Variants in PCCA observed in about 807,000 individuals in gnomAD.
The protein encoded by PCCA is propionyl-CoA carboxylase subunit alpha, also known as propionyl-CoA carboxylase alpha chain, mitochondrial.
Under a neutral mutation model 101.3 loss-of-function variants are expected in PCCA, and 74 were observed. The observed-to-expected ratio is 0.73, with a 90% CI of 0.61 to 0.89. The LOEUF (loss-of-function observed/expected upper bound fraction) is 0.89. PCCA is among the 40% of genes least tolerant of loss of function. The pLI, the probability that PCCA is intolerant of heterozygous loss-of-function variation, is 0.00. For missense variants in PCCA, 891 were observed against 907.0 expected, an observed-to-expected ratio of 0.98 and a Z score of 0.23; for synonymous variants, 294 against 313.6, an observed-to-expected ratio of 0.94 and a Z score of 0.66.
chr13:100,283,172 A>C lies in PCCA; in HGVS notation c.1065+9826A>C, dbSNP rs79733787. 4.8e-3 allele frequency among the ~76,000 whole-genome samples: 726 copies of C among 152,306 alleles called. 11 individuals are homozygous for C. The East Asian group carries it at 0.063, about 13-fold the overall frequency. On this transcript the variant is annotated intron_variant, in intron 12 of 23. Coordinates refer to ENST00000376285, the MANE Select transcript of PCCA (RefSeq NM_000282.4). ...AGACGTCATGCTACTGTGAGATCAA[A>C]CCTTGGCCTTTAATGTAAAGAATGC...
chr13:100,216,982 G>A (rs2059556755), intron 7 of PCCA, among the ~76,000 whole-genome samples: 2 of 151,770 alleles, frequency 1.3e-5, no homozygotes, highest in African/African-American at 2.4e-5. Flanking sequence ...TGTGGCAGGT[G>A]CCTGTAATCC....
chr13:100,262,477 A>G (rs893666515), intron 9 of PCCA, among the ~76,000 whole-genome samples: 2 of 152,196 alleles, frequency 1.3e-5, no homozygotes, highest in Non-Finnish European at 2.9e-5. Context: ...GAGAAGTTAA[A>G]TAACTCATCC....
chr13:100,428,345 C>T (rs1296043034), intron 20 of PCCA, among the ~76,000 whole-genome samples: 6 of 138,956 alleles, frequency 4.3e-5, no homozygotes, highest in Admixed American at 1.4e-4. Flanking sequence ...CCCCCACCCC[C>T]ACCCCCACCC....
intron 17 of PCCA, among the ~76,000 whole-genome samples, chr13:100,331,681 A>C (rs1414180070): frequency 2.0e-5 from 3 of 152,154 alleles, no homozygotes; most frequent in African/African-American, 7.2e-5. Flanking sequence ...AACAAAAACT[A>C]ATGATTTATT....
chr13:100,112,130 A>G, intron 4 of PCCA, 69 bp downstream of exon 4: 1 of 1,107,802 alleles, frequency 9.0e-7, no homozygotes, highest in South Asian at 1.3e-5. Flanking sequence ...TGAGACATAC[A>G]GGCTTTTTTT....
At chr13:100,256,475 G>T (rs528293831) in intron 8 of PCCA, among the ~76,000 whole-genome samples, 9 of 152,224 alleles carry the variant, frequency 5.9e-5, no homozygotes, top group African/African-American at 2.2e-4. Context: ...TCTTCTCAGT[G>T]CACTGAGCAT....
At chr13:100,343,894 G>A (rs925839649) in intron 18 of PCCA, among the ~76,000 whole-genome samples, 1 of 152,106 alleles carries the variant, frequency 6.6e-6, no homozygotes, top group African/African-American at 2.4e-5. Context: ...GGCCAACATG[G>A]CGAAACCCTG....
At chr13:100,408,556 A>T (rs1246616295) in intron 19 of PCCA, among the ~76,000 whole-genome samples, 4 of 152,220 alleles carry the variant, frequency 2.6e-5, no homozygotes, top group African/African-American at 9.6e-5. Context: ...TACCACACAC[A>T]GTATATACAC....
chr13:100,517,091 T>TGTGTGTG (rs2086892804), intron 22 of PCCA, among the ~76,000 whole-genome samples: 2 of 88,980 alleles, frequency 2.2e-5, no homozygotes, highest in African/African-American at 8.1e-5. Flanking sequence ...GTGTGTGTGT[T>TGTGTGTG]TCAAGTAAGT....
At chr13:100,150,728 T>C (rs770420098) in intron 4 of PCCA, 17 of 1,584,668 alleles carry the variant, frequency 1.1e-5, no homozygotes, top group African/African-American at 1.3e-5. Context: ...TGTGGAATCT[T>C]CACCAACCCA....
chr13:100,282,966 A>G (rs2064261121), intron 12 of PCCA, among the ~76,000 whole-genome samples: 1 of 151,868 alleles, frequency 6.6e-6, no homozygotes, highest in South Asian at 2.1e-4. Flanking sequence ...CCTCCTGGCT[A>G]TTGGTTATGT....
intron 16 of PCCA, among the ~76,000 whole-genome samples, chr13:100,313,129 C>G (rs148437487): frequency 1.2e-3 from 188 of 152,244 alleles, no homozygotes; most frequent in African/African-American, 4.2e-3. Context: ...TCCTTTCTCA[C>G]CCTTCCTCTT....
At chr13:100,411,093 T>C (rs1160926709) in intron 19 of PCCA, among the ~76,000 whole-genome samples, 2 of 152,220 alleles carry the variant, frequency 1.3e-5, no homozygotes, top group African/African-American at 4.8e-5. Flanking sequence ...TGAAGTCATT[T>C]TTTTTTTAAT....
chr13:100,368,376 A>C, intron 18 of PCCA, 96 bp from the exon 19 acceptor site: 1 of 703,042 alleles, frequency 1.4e-6, no homozygotes, highest in South Asian at 1.7e-5. Flanking sequence ...ATTCAATGGC[A>C]GTTTTAGCCT....
chr13:100,423,378 TC>T (rs2078950656), intron 19 of PCCA, among the ~76,000 whole-genome samples: 1 of 152,222 alleles, frequency 6.6e-6, no homozygotes, highest in South Asian at 2.1e-4. Flanking sequence ...GGCCTATACT[TC>T]CATCTAGATT....
intron 4 of PCCA, among the ~76,000 whole-genome samples, chr13:100,142,475 C>CT (rs772422421): frequency 0.064 from 8,699 of 136,270 alleles, 923 homozygotes; most frequent in African/African-American, 0.22. Context: ...AATGAGCCTT[C>CT]TTTTTTTTTT....
chr13:100,337,038 A>G (rs1431047254), intron 17 of PCCA, among the ~76,000 whole-genome samples: 1 of 152,134 alleles, frequency 6.6e-6, no homozygotes, highest in Admixed American at 6.6e-5. Context: ...GGGTAAACCA[A>G]GTGTCAGATT....
intron 12 of PCCA, among the ~76,000 whole-genome samples, chr13:100,297,115 C>G (rs1472278032): frequency 6.6e-6 from 1 of 152,206 alleles, no homozygotes; most frequent in East Asian, 1.9e-4. Flanking sequence ...AGAAATGACA[C>G]TGTCCATCTA....
chr13:100,292,215 C>G (rs2065179752), intron 12 of PCCA, among the ~76,000 whole-genome samples: 1 of 152,170 alleles, frequency 6.6e-6, no homozygotes, highest in African/African-American at 2.4e-5. Context: ...CAGTGAGATT[C>G]AAAATTGTAA....
Sources: gnomAD v4.1 joint callset for allele counts (sites outside exome capture counted in the v4.1 genomes callset) on GRCh38, gnomAD v4.1.1 for gene constraint, MANE v1.5 for transcripts, NCBI Gene and HGNC (gene_info 2026-07-23, HGNC 2026-07-21) for gene names.